SPATA17: variants seen among roughly 807,000 people sequenced by gnomAD.
SPATA17 encodes spermatogenesis-associated protein 17.
SPATA17 carries 53 observed loss-of-function variants against 62.2 expected under a neutral mutation model. The observed-to-expected ratio is 0.85, with a 90% CI of 0.68 to 1.07. SPATA17 has a LOEUF of 1.07. Among genes scored for constraint, SPATA17 ranks in the 50% least tolerant of loss-of-function variants. The pLI, the probability that SPATA17 is intolerant of heterozygous loss-of-function variation, is 0.00. For synonymous variants in SPATA17, 146 were observed against 146.8 expected, an observed-to-expected ratio of 0.99 and a Z score of 0.04; for missense variants, 466 against 425.5, an observed-to-expected ratio of 1.10 and a Z score of -0.84.
At chr1:217,755,774 G>A (rs1426740029) in intron 6 of SPATA17, among the ~76,000 whole-genome samples, 1 of 151,502 alleles carries the variant, frequency 6.6e-6, no homozygotes, top group East Asian at 1.9e-4. Flanking sequence ...TTATATTTAG[G>A]TTCTATGTAC....
intron 5 of SPATA17, among the ~76,000 whole-genome samples, chr1:217,687,565 A>G (rs1343103490): frequency 6.6e-6 from 1 of 152,216 alleles, no homozygotes; most frequent in Non-Finnish European, 1.5e-5. Context: ...ACAAATAGTT[A>G]CAGTTGTATT....
chr1:217,661,488 GA>G (rs1670568275), intron 3 of SPATA17, among the ~76,000 whole-genome samples: 1 of 152,110 alleles, frequency 6.6e-6, no homozygotes, highest in Non-Finnish European at 1.5e-5. Context: ...AAGTCCTAAA[GA>G]GTCATGTGCT....
At chr1:217,819,062 G>A (rs1001144244) in intron 9 of SPATA17, among the ~76,000 whole-genome samples, 1 of 150,992 alleles carries the variant, frequency 6.6e-6, no homozygotes, top group African/African-American at 2.4e-5. Flanking sequence ...CTTAGTTTGT[G>A]AGCTTTTATA....
At chr1:217,821,758 G>A (rs560103935) in intron 9 of SPATA17, among the ~76,000 whole-genome samples, 1 of 151,980 alleles carries the variant, frequency 6.6e-6, no homozygotes, top group Non-Finnish European at 1.5e-5. Flanking sequence ...GGTATCCTCC[G>A]ATTTTATATT....
chr1:217,653,177 A>C (rs1670364497), intron 3 of SPATA17, among the ~76,000 whole-genome samples: 1 of 152,218 alleles, frequency 6.6e-6, no homozygotes, highest in Non-Finnish European at 1.5e-5. Context: ...ATACATAGGC[A>C]TACAATTTTT....
rs186262845 is a variant in SPATA17, at chr1:217,646,759, G to A, written c.69-2123G>A. On this transcript the variant is annotated intron_variant, in intron 1 of 10. Coordinates refer to ENST00000366933, the MANE Select transcript of SPATA17 (RefSeq NM_138796.4). ...AAAATACAAAAATTAACCAGGCATG[G>A]TGGCGTGCACCTGTAGTTCCAGCTA... Among the ~76,000 whole-genome samples the A allele has an allele frequency of 1.1e-4, 16 of 152,196 alleles. 1 individual carries two copies. The highest frequency in any genetic ancestry group is 1.8e-4 in the Non-Finnish European group (12 of 68,014).
intron 8 of SPATA17, among the ~76,000 whole-genome samples, chr1:217,789,037 A>T (rs1673929272): frequency 6.6e-6 from 1 of 152,276 alleles, no homozygotes; most frequent in Admixed American, 6.5e-5. Flanking sequence ...TCGAGGATTT[A>T]AAAAAATGTA....
At chr1:217,828,410 T>C (rs1342003594) in intron 9 of SPATA17, among the ~76,000 whole-genome samples, 1 of 150,418 alleles carries the variant, frequency 6.6e-6, no homozygotes, top group Middle Eastern at 3.2e-3. Flanking sequence ...TTTTTTACCA[T>C]ACATAAAAAC....
At chr1:217,789,988 G>A (rs1169990812) in intron 8 of SPATA17, among the ~76,000 whole-genome samples, 2 of 151,982 alleles carry the variant, frequency 1.3e-5, no homozygotes, top group African/African-American at 4.8e-5. Flanking sequence ...AGTGAGCCCA[G>A]ATCGCACCAC....
At chr1:217,694,411 A>C (rs1451709892) in intron 5 of SPATA17, among the ~76,000 whole-genome samples, 22 of 146,470 alleles carry the variant, frequency 1.5e-4, no homozygotes, top group Admixed American at 1.4e-3. Flanking sequence ...GGGTTTCCTG[A>C]ATACAGCACA....
At chr1:217,751,239 C>T (rs886899771) in intron 6 of SPATA17, among the ~76,000 whole-genome samples, 9 of 152,146 alleles carry the variant, frequency 5.9e-5, no homozygotes, top group Admixed American at 5.2e-4. Context: ...GTGAATTGCT[C>T]AAAGCAATTT....
At chr1:217,807,056 C>T (rs1272857316) in intron 9 of SPATA17, among the ~76,000 whole-genome samples, 6 of 151,998 alleles carry the variant, frequency 3.9e-5, no homozygotes, top group African/African-American at 7.2e-5. Context: ...CCATATATAC[C>T]ATGGAATACT....
intron 6 of SPATA17, among the ~76,000 whole-genome samples, chr1:217,759,947 G>A (rs1673132363): frequency 6.6e-6 from 1 of 152,128 alleles, no homozygotes; most frequent in African/African-American, 2.4e-5. Flanking sequence ...CTACAGTAAT[G>A]ATAGACTGAA....
chr1:217,801,466 A>G (rs1674310402), intron 8 of SPATA17, among the ~76,000 whole-genome samples: 1 of 152,236 alleles, frequency 6.6e-6, no homozygotes, highest in African/African-American at 2.4e-5. Context: ...ATCTCTATAT[A>G]TAAAATACTT....
intron 5 of SPATA17, among the ~76,000 whole-genome samples, chr1:217,693,159 C>T (rs1671379815): frequency 6.6e-6 from 1 of 151,464 alleles, no homozygotes; most frequent in Admixed American, 6.6e-5. Flanking sequence ...ATTATTGCCA[C>T]AATTTCAGCT....
chr1:217,642,282 T>G (rs1213485597), intron 1 of SPATA17, among the ~76,000 whole-genome samples: 1 of 152,202 alleles, frequency 6.6e-6, no homozygotes, highest in Non-Finnish European at 1.5e-5. Context: ...ACTATGTATG[T>G]ATCCTATTCC....
intron 3 of SPATA17, among the ~76,000 whole-genome samples, chr1:217,661,984 A>C (rs1670581838): frequency 1.3e-5 from 2 of 152,132 alleles, no homozygotes; most frequent in African/African-American, 4.8e-5. Context: ...GGGAAATAAA[A>C]ATAAGTCATT....
At chr1:217,645,345 A>G (rs1380158283) in intron 1 of SPATA17, among the ~76,000 whole-genome samples, 6 of 152,288 alleles carry the variant, frequency 3.9e-5, no homozygotes, top group African/African-American at 9.6e-5. Context: ...ATTTCTAATG[A>G]CAATTATAAA....
chr1:217,634,561 C>T (rs1669895009), intron 1 of SPATA17, among the ~76,000 whole-genome samples: 1 of 152,070 alleles, frequency 6.6e-6, no homozygotes, highest in Admixed American at 6.5e-5. Flanking sequence ...TGATATTATC[C>T]CCAGGAGCCA....
Sources: gnomAD v4.1 joint callset for allele counts (sites outside exome capture counted in the v4.1 genomes callset) on GRCh38, gnomAD v4.1.1 for gene constraint, MANE v1.5 for transcripts, NCBI Gene and HGNC (gene_info 2026-07-23, HGNC 2026-07-21) for gene names.